The following EGFL6 variants were observed in gnomAD, a reference collection of about 807,000 sequenced individuals.
The protein encoded by EGFL6 is EGF like domain multiple 6.
EGFL6 carries 42 observed loss-of-function variants against 43.1 expected under a neutral mutation model. The ratio of observed to expected loss-of-function variants is 0.98; its 90% CI spans 0.76 to 1.26. EGFL6 has a LOEUF of 1.26. Among genes scored for constraint, EGFL6 ranks in the 50% most tolerant of loss-of-function variants. The probability of loss-of-function intolerance (pLI) is 0.00; values close to 1 mark genes in which losing one functional copy is unlikely to be tolerated. For synonymous variants in EGFL6, 164 were observed against 163.2 expected, an observed-to-expected ratio of 1.01 and a Z score of -0.04; for missense variants, 429 against 427.8, an observed-to-expected ratio of 1.00 and a Z score of -0.02.
At chrX:13,587,229 A>G (rs1217753859) in intron 1 of EGFL6, among the ~76,000 whole-genome samples, 1 of 112,622 alleles carries the variant, frequency 8.9e-6, no homozygotes, top group Non-Finnish European at 1.9e-5. Context: ...TACGTTATGT[A>G]AATTATATCT....
intron 3 of EGFL6, among the ~76,000 whole-genome samples, chrX:13,599,303 T>G (rs1401236048): frequency 1.8e-5 from 2 of 111,777 alleles, no homozygotes; most frequent in Non-Finnish European, 1.9e-5. Context: ...AGTATCTAGA[T>G]CAAAAGCCAG....
At chrX:13,606,769 A>G (rs1569206985) in intron 6 of EGFL6, among the ~76,000 whole-genome samples, 1 of 112,539 alleles carries the variant, frequency 8.9e-6, no homozygotes, top group Non-Finnish European at 1.9e-5. Context: ...TCTCAAGATG[A>G]TTCTGGTGGG....
chrX:13,610,646 G>A (rs745881160), intron 7 of EGFL6, among the ~76,000 whole-genome samples: 4 of 111,729 alleles, frequency 3.6e-5, no homozygotes, highest in South Asian at 3.8e-4. Context: ...TTTCCATATC[G>A]GATGAGTGCC....
chrX:13,630,630 C>A (rs1052416570), intron 11 of EGFL6, among the ~76,000 whole-genome samples: 1 of 112,346 alleles, frequency 8.9e-6, no homozygotes, highest in African/African-American at 3.2e-5. Context: ...TAACTTGTTT[C>A]CAATAGTTCT....
chrX:13,578,926 AAAATAAAT>A (rs780769931), intron 1 of EGFL6, among the ~76,000 whole-genome samples: 1 of 111,721 alleles, frequency 9.0e-6, no homozygotes, highest in African/African-American at 3.3e-5. Context: ...AAGTATAATA[AAAATAAAT>A]AAATAAATAA....
intron 1 of EGFL6, among the ~76,000 whole-genome samples, chrX:13,577,174 A>C (rs1006003237): frequency 3.7e-5 from 4 of 108,309 alleles, no homozygotes; most frequent in Admixed American, 1.0e-4. Flanking sequence ...GGGAGGAAGG[A>C]TACAAGTCCA....
intron 1 of EGFL6, among the ~76,000 whole-genome samples, chrX:13,585,119 TCA>T (rs1346738901): frequency 2.7e-5 from 3 of 111,846 alleles, no homozygotes; most frequent in Non-Finnish European, 5.6e-5. Context: ...CTAACTTGAT[TCA>T]CAAGACCCTC....
chrX:13,608,605 T>A (rs1223386360), intron 7 of EGFL6, among the ~76,000 whole-genome samples, 159 bp downstream of exon 7: 1 of 111,950 alleles, frequency 8.9e-6, no homozygotes, highest in Non-Finnish European at 1.9e-5. Flanking sequence ...ACTCTCTGCC[T>A]CAGCCTTCTC....
chrX:13,610,031 A>G (rs897482235), intron 7 of EGFL6, among the ~76,000 whole-genome samples: 2 of 111,703 alleles, frequency 1.8e-5, no homozygotes, highest in Admixed American at 9.5e-5. Flanking sequence ...AACTATATGT[A>G]CCATGCTAGA....
chrX:13,603,814 G>T (rs2045646842), intron 5 of EGFL6, among the ~76,000 whole-genome samples: 2 of 111,405 alleles, frequency 1.8e-5, no homozygotes, highest in Admixed American at 1.9e-4. Context: ...ATATTTTCTG[G>T]AAAAACTATA....
intron 11 of EGFL6, among the ~76,000 whole-genome samples, chrX:13,629,768 A>T (rs760789106): frequency 8.9e-6 from 1 of 111,901 alleles, no homozygotes; most frequent in Non-Finnish European, 1.9e-5. Context: ...CTGGGGGGGA[A>T]ATTTAATCTT....
Position 13,631,734 on chromosome X carries a change from C to A in EGFL6, c.1552-1251C>A, listed in dbSNP as rs766163466. ...CCTGGAAGGCAGAGGTTGCAGTGAG[C>A]TGAGATTGTGCCACTGCATTCCAGC... On this transcript the variant is annotated intron_variant, in intron 11 of 11. Transcript: ENST00000361306. Among the ~76,000 whole-genome samples, 4 of 112,013 alleles carry A rather than the reference C, an allele frequency of 3.6e-5. No individual in the cohort carries two copies. In the East Asian group the frequency reaches 1.1e-3, roughly 31 times the overall value.
chrX:13,625,745 G>A (rs1456681526), intron 10 of EGFL6, among the ~76,000 whole-genome samples: 1 of 108,588 alleles, frequency 9.2e-6, no homozygotes, highest in African/African-American at 3.4e-5. Context: ...AATTAGCCAG[G>A]TGTGGCGGCA....
chrX:13,608,229 G>A, intron 6 of EGFL6, 95 bp from the exon 7 acceptor site: 1 of 1,069,635 alleles, frequency 9.3e-7, no homozygotes, highest in Non-Finnish European at 1.3e-6. Context: ...TGTCAGGGGT[G>A]TTTAGTGCTT....
At chrX:13,595,474 A>G (rs1047598030) in intron 3 of EGFL6, among the ~76,000 whole-genome samples, 2 of 111,845 alleles carry the variant, frequency 1.8e-5, no homozygotes, top group African/African-American at 6.5e-5. Flanking sequence ...ACACAGAACT[A>G]CTTTACATTT....
At chrX:13,595,080 T>G in intron 3 of EGFL6, 152 bp downstream of exon 3, 1 of 346,913 alleles carries the variant, frequency 2.9e-6, no homozygotes, top group Non-Finnish European at 4.9e-6. Flanking sequence ...CTCTTCTCCT[T>G]GAAAAATGTA....
At chrX:13,575,679 A>G (rs2045467653) in intron 1 of EGFL6, among the ~76,000 whole-genome samples, 1 of 112,532 alleles carries the variant, frequency 8.9e-6, no homozygotes, top group African/African-American at 3.2e-5. Flanking sequence ...ATAGGATCAA[A>G]AAACAAAAGT....
At chrX:13,613,293 A>G (rs2045702602) in intron 7 of EGFL6, among the ~76,000 whole-genome samples, 1 of 109,089 alleles carries the variant, frequency 9.2e-6, no homozygotes, top group South Asian at 4.0e-4. Flanking sequence ...CATTCTCTGT[A>G]CCTAAAGGAA....
At chrX:13,606,748 G>A (rs751791027) in intron 6 of EGFL6, among the ~76,000 whole-genome samples, 2 of 112,346 alleles carry the variant, frequency 1.8e-5, no homozygotes, top group Admixed American at 1.9e-4. Context: ...GCTCTCTTGT[G>A]GAAACGATTA....
Sources: allele counts gnomAD v4.1 joint callset (sites outside exome capture counted in the v4.1 genomes callset), GRCh38; gene constraint gnomAD v4.1.1; transcripts MANE v1.5; gene names NCBI Gene and HGNC (gene_info 2026-07-23, HGNC 2026-07-21).